The following ALG6 variants were observed in gnomAD, a reference collection of about 807,000 sequenced individuals.
The protein encoded by ALG6 is ALG6 alpha-1,3-glucosyltransferase, also known as dolichyl pyrophosphate Man9GlcNAc2 alpha-1,3-glucosyltransferase.
Under a neutral mutation model 66.6 loss-of-function variants are expected in ALG6, and 46 were observed. The observed-to-expected ratio is 0.69, with a 90% confidence interval of 0.55 to 0.88. The LOEUF (loss-of-function observed/expected upper bound fraction) is 0.88. Ranked by LOEUF, ALG6 falls within the 40% of genes least tolerant of loss-of-function variation. ALG6 has a pLI of 0.00. For missense variants in ALG6, 505 were observed against 586.8 expected, an observed-to-expected ratio of 0.86 and a Z score of 1.44; for synonymous variants, 185 against 203.7, an observed-to-expected ratio of 0.91 and a Z score of 0.78.
chr1:63,383,504 C>G (rs945942768), intron 2 of ALG6, among the ~76,000 whole-genome samples: 3 of 151,976 alleles, frequency 2.0e-5, no homozygotes, highest in African/African-American at 7.3e-5. Context: ...CAGCCTTGAT[C>G]CCCTGGGCTC....
chr1:63,410,736 A>G (rs1396744198), intron 7 of ALG6, among the ~76,000 whole-genome samples: 1 of 152,072 alleles, frequency 6.6e-6, no homozygotes, highest in Non-Finnish European at 1.5e-5. Context: ...ATTAATATAT[A>G]TAATAGAGGA....
In ALG6 at chr1:63,413,096, T is replaced by C. The variant is rs114549230; in HGVS notation, c.817-965T>C. Among the ~76,000 whole-genome samples the C allele has an allele frequency of 3.3e-3, 505 of 152,322 alleles. 2 individuals are homozygous for C. The highest frequency in any genetic ancestry group is 0.011 in the African/African-American group (469 of 41,568). On this transcript the variant is annotated intron_variant, in intron 9 of 14. Coordinates refer to ENST00000263440, the MANE Select transcript of ALG6 (RefSeq NM_013339.4). ...GCAGGTGCCAGACACTTCCATGTAA[T>C]TTTATTTGATCTTTACAGTAGCTTT...
At chr1:63,419,566 C>A in intron 12 of ALG6, 126 bp downstream of exon 12, 1 of 729,278 alleles carries the variant, frequency 1.4e-6, no homozygotes, top group Non-Finnish European at 2.1e-6. Flanking sequence ...AAAATGATTT[C>A]ATAGTCAGGT....
chr1:63,403,836 A>G (rs1038742308), intron 4 of ALG6, among the ~76,000 whole-genome samples: 1 of 152,164 alleles, frequency 6.6e-6, no homozygotes. Flanking sequence ...TGGTAGTACA[A>G]TCTTATGGGA....
At position 63,378,586 on chromosome 1, in the gene ALG6, T is replaced by C. The variant is rs1353099630; in HGVS notation, c.82+7527T>C. Among the ~76,000 whole-genome samples, 3 of 152,186 alleles carry C rather than the reference T, an allele frequency of 2.0e-5. No individual in the cohort carries two copies. The East Asian group carries it at 5.8e-4, about 29-fold the overall frequency. ...TCCACAGATAGTATAGGCCATTCAC[T>C]ATGTGCCAAGGGCTGGTGATGCTGC... On this transcript the variant is annotated intron_variant, in intron 2 of 14. Coordinates refer to ENST00000263440, the MANE Select transcript of ALG6 (RefSeq NM_013339.4).
chr1:63,402,477 T>G (rs1026874785), intron 4 of ALG6, 134 bp downstream of exon 4: 3 of 602,362 alleles, frequency 5.0e-6, no homozygotes, highest in Non-Finnish European at 8.5e-6. Flanking sequence ...TTTTTTTTTT[T>G]TTTTTTTGAG....
intron 12 of ALG6, 147 bp downstream of exon 12, chr1:63,419,587 A>C: frequency 1.5e-6 from 1 of 665,570 alleles, no homozygotes; most frequent in Non-Finnish European, 2.3e-6. Context: ...TTTTTTCCAG[A>C]ATTTTTGATT....
intron 14 of ALG6, among the ~76,000 whole-genome samples, chr1:63,432,552 C>T (rs917937112): frequency 4.6e-5 from 7 of 152,152 alleles, no homozygotes; most frequent in African/African-American, 1.7e-4. Flanking sequence ...TATTTGAGGT[C>T]AAGAACTCTG....
rs1644584902 is a variant in ALG6, at chr1:63,422,262, G to GATATAAATATATATATTTATATAT, written c.1058+2838_1058+2839insTTATATATATATAAATATATATAT. 1.6e-4 allele frequency among the ~76,000 whole-genome samples: 5 copies of GATATAAATATATATATTTATATAT among 31,006 alleles called. 1 individual carries two copies. Among genetic ancestry groups the GATATAAATATATATATTTATATAT allele is most frequent in the Admixed American group, 4.1e-4 (1 of 2,424 alleles). 20.3% of individuals were successfully genotyped at this position (31,006 alleles called of 152,430 possible). ...ATATATAAATATATATATTTATATAGATATAAATATATATATAAATATATA... is the reference window on the plus strand; with the variant it reads ...ATATATAAATATATATATTTATATAGATATAAATATATATATTTATATATATATAAATATATATATAAATATATA... On this transcript the variant is annotated intron_variant, in intron 12 of 14. Transcript: ENST00000263440.
chr1:63,370,513 A>C (rs996700825), intron 1 of ALG6, among the ~76,000 whole-genome samples: 13 of 152,220 alleles, frequency 8.5e-5, no homozygotes, highest in Non-Finnish European at 1.8e-4. Context: ...TTCTTTTCTC[A>C]GAAATATTCC....
intron 12 of ALG6, among the ~76,000 whole-genome samples, chr1:63,424,189 G>A (rs1570085650): frequency 6.6e-6 from 1 of 152,036 alleles, no homozygotes. Flanking sequence ...CACCCAGGCT[G>A]GAATGCAATG....
rs760694117 is a variant in ALG6, at chr1:63,383,140, C to T, written c.82+12081C>T. Among the ~76,000 whole-genome samples the T allele has an allele frequency of 4.6e-5, 7 of 150,718 alleles. No homozygotes were observed. The East Asian group carries it at 9.9e-4, about 21-fold the overall frequency. ...TTTTTATTTTTTTGAGATAGAGTCT[C>T]GCTCCATTGCCCTGTGCTCCAGCAC... On this transcript the variant is annotated intron_variant, in intron 2 of 14. Transcript: ENST00000263440.
At chr1:63,417,007 T>C (rs143853067) in intron 11 of ALG6, among the ~76,000 whole-genome samples, 343 of 152,334 alleles carry the variant, frequency 2.3e-3, no homozygotes, top group African/African-American at 8.0e-3. Flanking sequence ...ACTTCAAAAG[T>C]GCATCTCATT....
intron 14 of ALG6, among the ~76,000 whole-genome samples, chr1:63,432,829 C>T (rs1644654452): frequency 2.0e-5 from 3 of 152,192 alleles, no homozygotes; most frequent in African/African-American, 7.2e-5. Context: ...TGCGGTGGTG[C>T]ATTTTTAACT....
intron 2 of ALG6, among the ~76,000 whole-genome samples, chr1:63,372,287 A>T (rs1647954092): frequency 6.6e-6 from 1 of 152,220 alleles, no homozygotes; most frequent in African/African-American, 2.4e-5. Context: ...AAAAAGGGTC[A>T]TAGGAAAAAG....
chr1:63,435,552 A>G (rs970469808), intron 14 of ALG6, among the ~76,000 whole-genome samples: 3 of 152,098 alleles, frequency 2.0e-5, no homozygotes, highest in Non-Finnish European at 2.9e-5. Flanking sequence ...CACCCACTTC[A>G]TGGAAGTCAC....
intron 2 of ALG6, among the ~76,000 whole-genome samples, chr1:63,381,100 G>A (rs1033343078): frequency 6.6e-6 from 1 of 151,690 alleles, no homozygotes. Flanking sequence ...CAGGTGGATT[G>A]CTTGAGCCCA....
intron 14 of ALG6, among the ~76,000 whole-genome samples, chr1:63,436,436 T>A (rs1318735716): frequency 6.6e-6 from 1 of 152,168 alleles, no homozygotes; most frequent in Non-Finnish European, 1.5e-5. Context: ...GCTTAGAATT[T>A]TATATCCTGT....
chr1:63,395,552 A>G (rs552043522), intron 2 of ALG6, among the ~76,000 whole-genome samples: 1 of 152,198 alleles, frequency 6.6e-6, no homozygotes, highest in Non-Finnish European at 1.5e-5. Flanking sequence ...AAAATTAGGC[A>G]GTTATGGTGG....
Sources: allele counts gnomAD v4.1 joint callset (sites outside exome capture counted in the v4.1 genomes callset), GRCh38; gene constraint gnomAD v4.1.1; transcripts MANE v1.5; gene names NCBI Gene and HGNC (gene_info 2026-07-23, HGNC 2026-07-21).